Variants in KCNQ1 observed in about 807,000 individuals in gnomAD.
KCNQ1 encodes the protein potassium voltage-gated channel subfamily KQT member 1.
Under a neutral mutation model 72.4 loss-of-function variants are expected in KCNQ1, and 49 were observed. That is an observed-to-expected ratio of 0.68 (90% CI 0.54 to 0.86). The LOEUF is 0.86. Ranked by LOEUF, KCNQ1 falls within the 40% of genes least tolerant of loss-of-function variation. KCNQ1 has a pLI of 0.00. For synonymous variants in KCNQ1, 450 were observed against 412.6 expected, an observed-to-expected ratio of 1.09 and a Z score of -1.10; for missense variants, 790 against 945.1, an observed-to-expected ratio of 0.84 and a Z score of 2.15.
chr11:2,790,571 C>T (rs1221829750), intron 15 of KCNQ1, among the ~76,000 whole-genome samples: 1 of 152,232 alleles, frequency 6.6e-6, no homozygotes, highest in African/African-American at 2.4e-5. Context: ...AAAGCCTGAC[C>T]TCCTCTCACG....
chr11:2,722,904 G>C (rs1332850878), intron 11 of KCNQ1, among the ~76,000 whole-genome samples: 1 of 152,170 alleles, frequency 6.6e-6, no homozygotes, highest in Admixed American at 6.5e-5. Flanking sequence ...CCTTAGCGGA[G>C]TGGGGGTGGG....
chr11:2,532,826 G>A (rs905779865), intron 2 of KCNQ1, among the ~76,000 whole-genome samples: 4 of 152,208 alleles, frequency 2.6e-5, no homozygotes, highest in African/African-American at 9.6e-5. Context: ...GACGGCTGTT[G>A]GGTTCTTGAT....
chr11:2,544,580 T>C lies in KCNQ1; in HGVS notation c.477+16562T>C, dbSNP rs184328150. Among the ~76,000 whole-genome samples the C allele has an allele frequency of 0.022, 3,292 of 150,926 alleles. 124 individuals carry two copies. Among genetic ancestry groups the C allele is most frequent in the African/African-American group, 0.075 (3,128 of 41,460 alleles). ...GGTCTTGTACATCTTTTGAGGTACCTAAGTGTTTCATATTTTTTATGCTAT... is the reference window on the plus strand; with the variant it reads ...GGTCTTGTACATCTTTTGAGGTACCCAAGTGTTTCATATTTTTTATGCTAT... On this transcript the variant is annotated intron_variant, in intron 2 of 15. Coordinates refer to ENST00000155840, the MANE Select transcript of KCNQ1 (RefSeq NM_000218.3). The surrounding 1 kb of genome is among the most constrained non-coding windows in gnomAD (Gnocchi z 4.4).
At position 2,613,094 on chromosome 11, in the gene KCNQ1, C is replaced by T; in HGVS notation, c.1393+24240C>T. On this transcript the variant is annotated intron_variant, in intron 10 of 15. Transcript: ENST00000155840. This position sits in a 1 kb window ranked among gnomAD's most constrained non-coding sequence, Gnocchi z 4.8. ...AGTGGTCAAGCCATGATTAGTCAGA[C>T]ATTTGTTTAAACATCTTGAGCCAGT... is the stretch of plus-strand genomic sequence containing the variant. 1 of 398,624 alleles carries T rather than the reference C, an allele frequency of 2.5e-6. No homozygotes were observed. Among genetic ancestry groups the T allele is most frequent in the Non-Finnish European group, 4.4e-6 (1 of 226,084 alleles). The allele number at this position is 398,624 out of a possible 1,614,324, so 24.7% of individuals were successfully genotyped here. A position where few individuals can be genotyped will look rare whatever the true frequency, so the allele number is the denominator to read the frequency against.
chr11:2,744,044 G>A (rs954417490), intron 11 of KCNQ1, among the ~76,000 whole-genome samples: 5 of 152,198 alleles, frequency 3.3e-5, no homozygotes, highest in Non-Finnish European at 5.9e-5. Context: ...CCTCACCCAC[G>A]TAGCTTGGGA....
intron 1 of KCNQ1, among the ~76,000 whole-genome samples, chr11:2,487,770 T>C (rs1170367138): frequency 6.6e-6 from 1 of 152,214 alleles, no homozygotes; most frequent in Non-Finnish European, 1.5e-5. Context: ...TTGTGGAATC[T>C]TTAGGGGTTT....
At chr11:2,709,911 C>A (rs1223891457) in intron 11 of KCNQ1, among the ~76,000 whole-genome samples, 1 of 152,110 alleles carries the variant, frequency 6.6e-6, no homozygotes, top group South Asian at 2.1e-4. Flanking sequence ...GCCATTTTTA[C>A]TTTTTAGCTA....
chr11:2,607,806 C>T (rs1442093198), intron 10 of KCNQ1, among the ~76,000 whole-genome samples: 4 of 152,078 alleles, frequency 2.6e-5, no homozygotes, highest in Non-Finnish European at 4.4e-5. Flanking sequence ...TGAAATAAGT[C>T]CCATTTGGTT....
intron 15 of KCNQ1, among the ~76,000 whole-genome samples, chr11:2,792,961 GA>G (rs568912178): frequency 6.6e-6 from 1 of 151,340 alleles, no homozygotes; most frequent in South Asian, 2.1e-4. Flanking sequence ...CGCCCCCCGG[GA>G]GCCGCAGGTC....
Position 2,566,886 on chromosome 11 carries a change from C to T in KCNQ1, c.478-3742C>T, listed in dbSNP as rs1589954419. ...TCAGTGGGGGAGTCAGGAAGTACCCCGGTTCTGTACCTGTAGTGGATGGGG... is the reference window on the plus strand; with the variant it reads ...TCAGTGGGGGAGTCAGGAAGTACCCTGGTTCTGTACCTGTAGTGGATGGGG... On this transcript the variant is annotated intron_variant, in intron 2 of 15. Transcript: ENST00000155840. This position sits in a 1 kb window ranked among gnomAD's most constrained non-coding sequence, Gnocchi z 6.7. Among the ~76,000 whole-genome samples the T allele has an allele frequency of 6.8e-6, 1 of 146,232 alleles. No individual in the cohort carries two copies. Among genetic ancestry groups the T allele is most frequent in the African/African-American group, 2.5e-5 (1 of 39,268 alleles).
chr11:2,639,070 C>T (rs879387952), intron 10 of KCNQ1: 1 of 152,184 alleles, frequency 6.6e-6, no homozygotes, highest in Non-Finnish European at 1.5e-5. Flanking sequence ...TCCATCATGT[C>T]ATTTAAGGAC....
At chr11:2,758,507 A>G (rs1022777584) in intron 11 of KCNQ1, among the ~76,000 whole-genome samples, 2 of 152,210 alleles carry the variant, frequency 1.3e-5, no homozygotes, top group African/African-American at 4.8e-5. Context: ...GTTTCTTATA[A>G]AAGTCAGCAT....
At chr11:2,584,701 G>T (rs1189404754) in intron 7 of KCNQ1, among the ~76,000 whole-genome samples, 2 of 151,662 alleles carry the variant, frequency 1.3e-5, no homozygotes, top group Non-Finnish European at 2.9e-5. Flanking sequence ...GTGTGTGTGT[G>T]TTAGTGTGCA....
At chr11:2,688,788 C>T (rs1024997459) in intron 11 of KCNQ1, 4 of 398,664 alleles carry the variant, frequency 1.0e-5, no homozygotes, top group Non-Finnish European at 1.8e-5. Flanking sequence ...TATATACTTG[C>T]CCTCCCCCAC....
intron 11 of KCNQ1, among the ~76,000 whole-genome samples, chr11:2,707,065 A>C (rs1850923827): frequency 6.6e-6 from 1 of 152,234 alleles, no homozygotes; most frequent in Non-Finnish European, 1.5e-5. Context: ...CACAAGGACC[A>C]GGAGCGGGGT....
chr11:2,602,519 A>G lies in KCNQ1; in HGVS notation c.1393+13665A>G, dbSNP rs2133778430. ...ACTGATTTTCCAGAGTGACTGCACC[A>G]TTTCACATTCCCCATTCCTGCCAGC... On this transcript the variant is annotated intron_variant, in intron 10 of 15. Transcript: ENST00000155840. This position sits in a 1 kb window ranked among gnomAD's most constrained non-coding sequence, Gnocchi z 4.8. Among the ~76,000 whole-genome samples, 1 of 152,340 alleles carries G rather than the reference A, an allele frequency of 6.6e-6. No homozygotes were observed. Among genetic ancestry groups the G allele is most frequent in the East Asian group, 1.9e-4 (1 of 5,186 alleles).
Position 2,759,203 on chromosome 11 carries a change from C to T in KCNQ1, c.1515-9641C>T, listed in dbSNP as rs142369362. ...ACTGGGAGGTGCAGGAAACCACACA[C>T]GTGATGTGCTTGTGTCTGCTGACAT... is the stretch of plus-strand genomic sequence containing the variant. On this transcript the variant is annotated intron_variant, in intron 11 of 15. Coordinates refer to ENST00000155840, the MANE Select transcript of KCNQ1 (RefSeq NM_000218.3). The surrounding 1 kb of genome is among the most constrained non-coding windows in gnomAD (Gnocchi z 4.4). Among the ~76,000 whole-genome samples the T allele has an allele frequency of 2.0e-5, 3 of 152,086 alleles. No individual in the cohort carries two copies. Among genetic ancestry groups the T allele is most frequent in the South Asian group, 2.1e-4 (1 of 4,804 alleles).
At chr11:2,675,886 T>A in intron 11 of KCNQ1, 1 of 398,710 alleles carries the variant, frequency 2.5e-6, no homozygotes, top group Non-Finnish European at 4.4e-6. Flanking sequence ...AATCGTGCTT[T>A]ATGTATTCAA....
In KCNQ1 at chr11:2,767,864, C is replaced by T. The variant is rs1846525641; in HGVS notation, c.1515-980C>T. On this transcript the variant is annotated intron_variant, in intron 11 of 15. Coordinates refer to ENST00000155840, the MANE Select transcript of KCNQ1 (RefSeq NM_000218.3). The surrounding 1 kb of genome is among the most constrained non-coding windows in gnomAD (Gnocchi z 4.6). Reference sequence around the variant, plus strand: ...GTTGTGTGAAAGGTGGCTAGAGGACCAGAATCTTTTTCCCTCGTGTCCTGG... The same window carrying T: ...GTTGTGTGAAAGGTGGCTAGAGGACTAGAATCTTTTTCCCTCGTGTCCTGG... Among the ~76,000 whole-genome samples the T allele has an allele frequency of 6.6e-6, 1 of 152,194 alleles. No individual in the cohort carries two copies. The highest frequency in any genetic ancestry group is 2.4e-5 in the African/African-American group (1 of 41,454).
Sources: gnomAD v4.1 joint callset for allele counts (sites outside exome capture counted in the v4.1 genomes callset) on GRCh38, gnomAD v4.1.1 for gene constraint, Gnocchi (gnomAD v3.1) non-coding constraint, MANE v1.5 for transcripts, NCBI Gene and HGNC (gene_info 2026-07-23, HGNC 2026-07-21) for gene names.